ZFAT: variants seen among roughly 807,000 people sequenced by gnomAD.
ZFAT encodes zinc finger protein ZFAT.
A neutral mutation model predicts 117.7 loss-of-function variants in ZFAT; 64 were observed. That is an observed-to-expected ratio of 0.54 (90% confidence interval 0.44 to 0.67). The LOEUF is 0.67. ZFAT is among the 30% of genes least tolerant of loss of function. The probability of loss-of-function intolerance (pLI) is 0.00; values close to 1 mark genes in which losing one functional copy is unlikely to be tolerated. For synonymous variants in ZFAT, 679 were observed against 615.0 expected (o/e 1.10, Z -1.54); for missense variants, 1,433 against 1,584.5 (o/e 0.90, Z 1.62).
intron 3 of ZFAT, among the ~76,000 whole-genome samples, chr8:134,620,663 G>A (rs935084819): frequency 1.3e-5 from 2 of 152,322 alleles, no homozygotes; most frequent in African/African-American, 4.8e-5. Flanking sequence ...CTTCCGAGAT[G>A]GTAGGATACA....
chr8:134,652,907 T>A (rs773831190), intron 2 of ZFAT, among the ~76,000 whole-genome samples: 4 of 152,076 alleles, frequency 2.6e-5, no homozygotes, highest in Non-Finnish European at 5.9e-5. Flanking sequence ...ACACAGCAAT[T>A]CTCCTAGGAA....
chr8:134,757,821 C>T, the ZFAT span, among the ~76,000 whole-genome samples: 1 of 152,128 alleles, frequency 6.6e-6, no homozygotes, highest in African/African-American at 2.4e-5. Context: ...GCTGGTTTCT[C>T]TCCCTAGTAC....
At chr8:134,784,449 T>G in the ZFAT span, 5 of 152,202 alleles carry the variant, frequency 3.3e-5, no homozygotes, top group Non-Finnish European at 7.3e-5. Context: ...CAGTCTCTAA[T>G]GCTAATCACT....
intron 15 of ZFAT, among the ~76,000 whole-genome samples, chr8:134,499,460 C>T (rs1334720026): frequency 2.0e-5 from 3 of 146,664 alleles, no homozygotes; most frequent in Non-Finnish European, 3.0e-5. Flanking sequence ...AGCTGGGATG[C>T]CCCCGTTGCT....
chr8:134,503,043 G>T (rs1586597732), intron 15 of ZFAT, among the ~76,000 whole-genome samples: 1 of 152,336 alleles, frequency 6.6e-6, no homozygotes, highest in East Asian at 1.9e-4. Context: ...GGGCTGCAGG[G>T]GAAATGCCTG....
chr8:134,600,347 G>T, intron 7 of ZFAT, 89 bp downstream of exon 7: 1 of 1,170,164 alleles, frequency 8.5e-7, no homozygotes, highest in Non-Finnish European at 1.3e-6. Flanking sequence ...GGGCTGACCT[G>T]CAGCAGAGAC....
chr8:134,481,844 T>C lies in ZFAT; in HGVS notation c.3493-3123A>G, dbSNP rs569645711. 5.9e-5 allele frequency among the ~76,000 whole-genome samples: 9 copies of C among 152,246 alleles called. No homozygotes were observed. The South Asian group carries it at 1.7e-3, about 28-fold the overall frequency. On this transcript the variant is annotated intron_variant, in intron 15 of 15. Coordinates refer to ENST00000377838, the MANE Select transcript of ZFAT (RefSeq NM_020863.4). ...TGGGACCACTTCTTGGAAGGTGGCA[T>C]TGGCCACAGAGGGTCTGTGGTGGGA...
chr8:134,638,096 G>A (rs1321255151), intron 2 of ZFAT, among the ~76,000 whole-genome samples: 4 of 152,118 alleles, frequency 2.6e-5, no homozygotes, highest in Non-Finnish European at 4.4e-5. Context: ...CCTTTGCAAA[G>A]CGTTCTCAAA....
chr8:134,616,806 G>A (rs942800464), intron 3 of ZFAT, among the ~76,000 whole-genome samples: 4 of 152,122 alleles, frequency 2.6e-5, no homozygotes, highest in Admixed American at 6.5e-5. Context: ...GCAGCACTCC[G>A]GAGTCAGAGA....
intron 1 of ZFAT, among the ~76,000 whole-genome samples, chr8:134,703,907 A>G (rs535237683): frequency 6.6e-6 from 1 of 152,332 alleles, no homozygotes; most frequent in South Asian, 2.1e-4. Context: ...GGAAAGAAGG[A>G]AAAAACAGAT....
chr8:134,802,282 A>G, the ZFAT span, among the ~76,000 whole-genome samples: 1 of 152,090 alleles, frequency 6.6e-6, no homozygotes, highest in Non-Finnish European at 1.5e-5. Flanking sequence ...TATTCAAACT[A>G]AAAAAAAGAA....
At chr8:134,603,814 G>A (rs1164768250) in intron 5 of ZFAT, among the ~76,000 whole-genome samples, 1 of 152,218 alleles carries the variant, frequency 6.6e-6, no homozygotes, top group Non-Finnish European at 1.5e-5. Context: ...TCACTCTGCA[G>A]GCAGTAACAG....
chr8:134,619,546 G>C (rs745452653), intron 3 of ZFAT, among the ~76,000 whole-genome samples: 29 of 152,086 alleles, frequency 1.9e-4, no homozygotes, highest in Non-Finnish European at 3.8e-4. Flanking sequence ...TTTCTTGTTT[G>C]TCTCCCCTAG....
intron 3 of ZFAT, among the ~76,000 whole-genome samples, chr8:134,614,170 T>G (rs1208083499): frequency 6.6e-6 from 1 of 152,152 alleles, no homozygotes; most frequent in Non-Finnish European, 1.5e-5. Flanking sequence ...TAGGAGAAAG[T>G]GCTAGGTAAA....
At chr8:134,565,033 C>T (rs1824330655) in intron 11 of ZFAT, 1 of 1,360,420 alleles carries the variant, frequency 7.4e-7, no homozygotes. Flanking sequence ...TCCCTAAAGC[C>T]TGCAAGCCTT....
the ZFAT span, among the ~76,000 whole-genome samples, chr8:134,770,631 G>A: frequency 1.3e-5 from 2 of 152,318 alleles, no homozygotes; most frequent in Admixed American, 1.3e-4. Context: ...CAAGATAACA[G>A]CAATGTTTAG....
chr8:134,638,629 T>C (rs1365090824), intron 2 of ZFAT, among the ~76,000 whole-genome samples: 2 of 149,784 alleles, frequency 1.3e-5, no homozygotes, highest in Non-Finnish European at 3.0e-5. Flanking sequence ...CTCAGGAGGC[T>C]GAGGCAGGAG....
intron 11 of ZFAT, among the ~76,000 whole-genome samples, chr8:134,556,031 A>AGAAGGAAGGAAGGAAGGAAGGAAG (rs767538738): frequency 5.0e-4 from 30 of 60,372 alleles, no homozygotes; most frequent in Admixed American, 5.9e-4. Context: ...AGGGAGGGAG[A>AGAAGGAAGGAAGGAAGGAAGGAAG]GAAGGAAGGA....
intron 15 of ZFAT, among the ~76,000 whole-genome samples, chr8:134,506,794 T>C (rs1181196544): frequency 6.6e-6 from 1 of 152,244 alleles, no homozygotes; most frequent in Non-Finnish European, 1.5e-5. Context: ...ATGTAGAATT[T>C]GTTTTGTTTT....
Sources: gnomAD v4.1 joint callset for allele counts (sites outside exome capture counted in the v4.1 genomes callset) on GRCh38, gnomAD v4.1.1 for gene constraint, MANE v1.5 for transcripts, NCBI Gene and HGNC (gene_info 2026-07-23, HGNC 2026-07-21) for gene names.